Variants in CCDC171 observed in about 807,000 individuals in gnomAD.
CCDC171 encodes coiled-coil domain containing 171.
Under a neutral mutation model 168.2 loss-of-function variants are expected in CCDC171, and 177 were observed. That is an observed-to-expected ratio of 1.05 (90% confidence interval 0.93 to 1.19). The LOEUF is 1.19. Among genes scored for constraint, CCDC171 ranks in the 50% most tolerant of loss-of-function variants. The pLI is 0.00. For synonymous variants in CCDC171, 687 were observed against 540.8 expected, an observed-to-expected ratio of 1.27 and a Z score of -3.75; for missense variants, 1,991 against 1,539.0, an observed-to-expected ratio of 1.29 and a Z score of -4.91.
intron 25 of CCDC171, among the ~76,000 whole-genome samples, chr9:15,949,699 T>C (rs1828883176): frequency 1.3e-5 from 2 of 152,142 alleles, no homozygotes; most frequent in Non-Finnish European, 2.9e-5. Flanking sequence ...CTTAAGGAGA[T>C]TTTGGGCTGA....
At chr9:15,642,134 C>T (rs1224153480) in intron 7 of CCDC171, among the ~76,000 whole-genome samples, 11 of 151,454 alleles carry the variant, frequency 7.3e-5, no homozygotes, top group Admixed American at 7.2e-4. Flanking sequence ...GTACTCTAGC[C>T]TGGGAGACAG....
At chr9:15,702,289 C>T (rs2051816267) in intron 11 of CCDC171, among the ~76,000 whole-genome samples, 1 of 152,038 alleles carries the variant, frequency 6.6e-6, no homozygotes, top group Admixed American at 6.5e-5. Flanking sequence ...AATCCTGTGG[C>T]CCTTAAGAAT....
chr9:15,801,414 A>G (rs2058814121), intron 21 of CCDC171, among the ~76,000 whole-genome samples: 1 of 151,580 alleles, frequency 6.6e-6, no homozygotes, highest in African/African-American at 2.4e-5. Flanking sequence ...TTTATTTCAG[A>G]TTGTTTACTT....
intron 25 of CCDC171, among the ~76,000 whole-genome samples, chr9:15,953,270 A>C (rs551294472): frequency 1.3e-5 from 2 of 152,306 alleles, no homozygotes; most frequent in Non-Finnish European, 2.9e-5. Context: ...ATAAAGAGAA[A>C]GCTTTCATTC....
chr9:15,754,180 C>T (rs2055943754), intron 18 of CCDC171, among the ~76,000 whole-genome samples: 1 of 151,978 alleles, frequency 6.6e-6, no homozygotes, highest in Non-Finnish European at 1.5e-5. Flanking sequence ...GTGGAGTTTC[C>T]AATTTAGCAT....
At chr9:16,057,662 C>G (rs978498597) in intron 1 of CCDC171, among the ~76,000 whole-genome samples, 3 of 152,192 alleles carry the variant, frequency 2.0e-5, no homozygotes, top group African/African-American at 7.2e-5. Context: ...GTCCCCAGCC[C>G]CAAAGCCCCC....
At chr9:15,861,436 AT>A (rs1005146678) in intron 23 of CCDC171, among the ~76,000 whole-genome samples, 3 of 150,042 alleles carry the variant, frequency 2.0e-5, no homozygotes, top group African/African-American at 7.4e-5. Context: ...TTCTTAGTTC[AT>A]TTTTCTCCCT....
At chr9:15,947,273 A>G (rs1455656854) in intron 25 of CCDC171, among the ~76,000 whole-genome samples, 1 of 152,052 alleles carries the variant, frequency 6.6e-6, no homozygotes, top group African/African-American at 2.4e-5. Flanking sequence ...TGTGGAATTT[A>G]TGGATAAAAG....
intron 6 of CCDC171, among the ~76,000 whole-genome samples, chr9:16,032,732 C>G (rs1343897870): frequency 1.3e-5 from 2 of 152,142 alleles, no homozygotes; most frequent in African/African-American, 4.8e-5. Flanking sequence ...ATCCTCCCAC[C>G]TAGGCCTCCC....
In CCDC171 at chr9:15,818,662, G is replaced by T. The variant is rs1440122468; in HGVS notation, c.3268-28040G>T. On this transcript the variant is annotated intron_variant, in intron 21 of 25. Coordinates refer to ENST00000380701, the MANE Select transcript of CCDC171 (RefSeq NM_173550.4). Reference sequence around the variant, plus strand: ...TTAGAGAAAAAAGAATAAAAGAAACGAACAAAGCCTCCAAGAAATATGGGA... The same window carrying T: ...TTAGAGAAAAAAGAATAAAAGAAACTAACAAAGCCTCCAAGAAATATGGGA... 1.7e-5 allele frequency among the ~76,000 whole-genome samples: 2 copies of T among 117,362 alleles called. 1 individual carries two copies. The highest frequency in any genetic ancestry group is 3.8e-5 in the Non-Finnish European group (2 of 52,322). 77.0% of individuals were successfully genotyped at this position (117,362 alleles called of 152,430 possible).
intron 11 of CCDC171, among the ~76,000 whole-genome samples, chr9:15,720,720 A>G (rs12349323): frequency 0.46 from 70,014 of 152,054 alleles, 16,421 homozygotes; most frequent in Non-Finnish European, 0.5. Flanking sequence ...TTTAAGTTCT[A>G]GGGTACATGT....
At position 15,695,274 on chromosome 9, in the gene CCDC171, A is replaced by C; in HGVS notation, c.1255A>C (p.Asn419His). ...HQAFLVETCENNVKELESILD... is the reference protein window; with the variant it reads ...HQAFLVETCEHNVKELESILD... The stretch of plus-strand genomic sequence containing the variant: ...GGCCTTCCTAGTAGAGACATGTGAA[A>C]ATAACGTGAAAGAATTGGAATCGAT... The change falls in exon 11 of 26, where the codon AAT becomes CAT. Residue 419 changes from asparagine (N) to histidine (H), a missense_variant. Coordinates refer to ENST00000380701, the MANE Select transcript of CCDC171 (RefSeq NM_173550.4). 3 of 1,614,150 alleles carry C rather than the reference A, an allele frequency of 1.9e-6. No individual in the cohort carries two copies. The highest frequency in any genetic ancestry group is 1.7e-6 in the Non-Finnish European group (2 of 1,179,998).
chr9:15,917,989 A>T (rs899167244), intron 24 of CCDC171, among the ~76,000 whole-genome samples: 2 of 151,780 alleles, frequency 1.3e-5, no homozygotes, highest in African/African-American at 4.8e-5. Flanking sequence ...TACTACAATG[A>T]AATTCAATAG....
chr9:15,985,256 G>T (rs1371196446), intron 3 of CCDC171, among the ~76,000 whole-genome samples: 1 of 151,148 alleles, frequency 6.6e-6, no homozygotes, highest in East Asian at 1.9e-4. Context: ...AAGTGAAAAG[G>T]TTTTTTTTTG....
chr9:15,941,108 G>C (rs1424723716), intron 25 of CCDC171, among the ~76,000 whole-genome samples: 2 of 151,960 alleles, frequency 1.3e-5, no homozygotes, highest in African/African-American at 4.8e-5. Context: ...TGCCACCTAA[G>C]TGTTACCTCA....
intron 23 of CCDC171, among the ~76,000 whole-genome samples, chr9:15,852,270 T>A (rs1409878746): frequency 2.0e-5 from 3 of 151,856 alleles, no homozygotes; most frequent in Non-Finnish European, 4.4e-5. Context: ...TTAATGGCCA[T>A]CCTAGTGACT....
chr9:15,670,005 C>G (rs573444726), intron 9 of CCDC171, among the ~76,000 whole-genome samples: 1 of 149,376 alleles, frequency 6.7e-6, no homozygotes, highest in Non-Finnish European at 1.5e-5. Flanking sequence ...AGAAGGGATC[C>G]TAGCTACAAA....
intron 25 of CCDC171, among the ~76,000 whole-genome samples, chr9:15,942,604 G>C (rs997136872): frequency 1.3e-5 from 2 of 151,888 alleles, no homozygotes; most frequent in Non-Finnish European, 2.9e-5. Flanking sequence ...GAATATACTA[G>C]TAGACAATCT....
intron 6 of CCDC171, among the ~76,000 whole-genome samples, chr9:15,621,254 A>G (rs1211997103): frequency 6.6e-6 from 1 of 152,206 alleles, no homozygotes; most frequent in African/African-American, 2.4e-5. Flanking sequence ...GGCGTGAGCC[A>G]CTGTGCCTGA....
Sources: allele counts gnomAD v4.1 joint callset (sites outside exome capture counted in the v4.1 genomes callset), GRCh38; gene constraint gnomAD v4.1.1; transcripts MANE v1.5; gene names NCBI Gene and HGNC (gene_info 2026-07-23, HGNC 2026-07-21).